The following GLP1R variants were observed in gnomAD, a reference collection of about 807,000 sequenced individuals.
The protein encoded by GLP1R is glucagon-like peptide 1 receptor.
In GLP1R, 32 loss-of-function variants were observed where a neutral mutation model predicts 68.4. The observed-to-expected ratio is 0.47, with a 90% CI of 0.35 to 0.63. GLP1R has a LOEUF of 0.63. GLP1R is among the 20% of genes least tolerant of loss of function. The pLI, the probability that GLP1R is intolerant of heterozygous loss-of-function variation, is 0.00. For synonymous variants in GLP1R, 263 were observed against 244.4 expected, an observed-to-expected ratio of 1.08 and a Z score of -0.71; for missense variants, 502 against 594.9, an observed-to-expected ratio of 0.84 and a Z score of 1.62.
At chr6:39,057,919 G>A (rs563410172) in intron 3 of GLP1R, among the ~76,000 whole-genome samples, 5 of 150,904 alleles carry the variant, frequency 3.3e-5, no homozygotes, top group Admixed American at 6.6e-5. Context: ...CCCCTGTATC[G>A]AGGAGGCTGA....
At position 39,056,423 on chromosome 6, in the gene GLP1R, G is replaced by A. The variant is rs142426070; in HGVS notation, c.105G>A (p.Thr35=). ...GTGCCACTGTGTCCCTCTGGGAGACGGTGCAGAAATGGCGAGAATACCGAC... is the reference window on the plus strand; with the variant it reads ...GTGCCACTGTGTCCCTCTGGGAGACAGTGCAGAAATGGCGAGAATACCGAC... The part of the protein sequence containing the change: ...PQGATVSLWE[T]VQKWREYRRQ... The change falls in exon 2 of 13, where the codon ACG becomes ACA. Residue 35 remains threonine (T), a synonymous_variant. Transcript: ENST00000373256. 84 of 1,608,052 alleles carry A rather than the reference G, an allele frequency of 5.2e-5. No individual in the cohort carries two copies. Among genetic ancestry groups the A allele is most frequent in the South Asian group, 9.9e-5 (9 of 90,962 alleles).
intron 5 of GLP1R, among the ~76,000 whole-genome samples, chr6:39,067,514 C>A (rs1768547855): frequency 1.3e-5 from 2 of 152,292 alleles, no homozygotes; most frequent in Non-Finnish European, 2.9e-5. Context: ...ACCCTCAGGT[C>A]TCTTATAAGG....
chr6:39,081,115 T>C (rs1769000999), intron 12 of GLP1R, among the ~76,000 whole-genome samples: 1 of 150,276 alleles, frequency 6.7e-6, no homozygotes, highest in Non-Finnish European at 1.5e-5. Flanking sequence ...CACTATCTCA[T>C]TTAATTATGA....
At chr6:39,056,320 C>T (rs1202793057) in intron 1 of GLP1R, 77 bp from the exon 2 acceptor site, 4 of 713,960 alleles carry the variant, frequency 5.6e-6, no homozygotes, top group African/African-American at 1.8e-5. Context: ...ATTGAGAAAC[C>T]AAGTGTGTTA....
chr6:39,048,892 G>C lies in GLP1R; in HGVS notation c.52G>C (p.Val18Leu). The C allele has an allele frequency of 6.8e-7, 1 of 1,473,180 alleles. No individual in the cohort carries two copies. 91.3% of individuals were successfully genotyped at this position (1,473,180 alleles called of 1,614,324 possible). A position where few individuals can be genotyped will look rare whatever the true frequency, so the allele number is the denominator to read the frequency against. ...CCTTGCGCTGCTGCTGCTCGGGATG[G>C]TGGGCAGGGCCGGCCCCCGCCCCCA... ...LRLALLLLGM[V>L]GRAGPRPQGA... The change falls in exon 1 of 13, where the codon GTG becomes CTG. Residue 18 changes from valine (V) to leucine (L), a missense_variant. By Grantham distance (32) the Val-to-Leu change is conservative. Transcript: ENST00000373256.
At position 39,084,141 on chromosome 6, in the gene GLP1R, C is replaced by A. The variant is rs373660438; in HGVS notation, c.1225-1765C>A. ...TTAGGAGCCGGGCATTGGAATCAGG[C>A]CAGATCTAGGTTCAAATCCTGGCTG... is the stretch of plus-strand genomic sequence containing the variant. On this transcript the variant is annotated intron_variant, in intron 12 of 12. Transcript: ENST00000373256. Among the ~76,000 whole-genome samples, 42 of 152,190 alleles carry A rather than the reference C, an allele frequency of 2.8e-4. 1 individual carries two copies. The East Asian group carries it at 7.9e-3, about 29-fold the overall frequency.
intron 3 of GLP1R, 91 bp from the exon 4 acceptor site, chr6:39,065,620 G>T: frequency 1.4e-6 from 1 of 721,088 alleles, no homozygotes. Flanking sequence ...AGCAGGGATA[G>T]CCCTCAGAAT....
At chr6:39,057,938 C>T (rs985663712) in intron 3 of GLP1R, among the ~76,000 whole-genome samples, 3 of 152,222 alleles carry the variant, frequency 2.0e-5, no homozygotes, top group East Asian at 1.9e-4. Flanking sequence ...GAGGTCAAGG[C>T]GCTGCTTCCT....
intron 12 of GLP1R, among the ~76,000 whole-genome samples, chr6:39,084,556 C>A (rs552002228): frequency 6.6e-6 from 1 of 152,310 alleles, no homozygotes; most frequent in South Asian, 2.1e-4. Flanking sequence ...GGGGCCACCA[C>A]TGGACTCAGG....
intron 3 of GLP1R, among the ~76,000 whole-genome samples, chr6:39,058,230 G>T (rs549916910): frequency 6.6e-6 from 1 of 152,322 alleles, no homozygotes; most frequent in South Asian, 2.1e-4. Context: ...GGTGTCTGCT[G>T]TGTGTATACA....
intron 11 of GLP1R, among the ~76,000 whole-genome samples, chr6:39,080,096 G>T (rs746834486): frequency 6.6e-6 from 1 of 152,108 alleles, no homozygotes; most frequent in Non-Finnish European, 1.5e-5. Flanking sequence ...CCAGAGTTAC[G>T]GTGTCACAGT....
In GLP1R at chr6:39,083,691, T is replaced by C. The variant is rs931910397; in HGVS notation, c.1225-2215T>C. Among the ~76,000 whole-genome samples, 6 of 152,194 alleles carry C rather than the reference T, an allele frequency of 3.9e-5. No individual in the cohort carries two copies. In the South Asian group the frequency reaches 1.2e-3, roughly 32 times the overall value. ...AAATGAAGGTGAATGAGCTTCCCAA[T>C]TCACCCCGAATCCTGAGGCTGGCAT... is the stretch of plus-strand genomic sequence containing the variant. On this transcript the variant is annotated intron_variant, in intron 12 of 12. Coordinates refer to ENST00000373256, the MANE Select transcript of GLP1R (RefSeq NM_002062.5).
intron 1 of GLP1R, among the ~76,000 whole-genome samples, chr6:39,051,702 G>C (rs1768091742): frequency 6.6e-6 from 1 of 152,092 alleles, no homozygotes; most frequent in Admixed American, 6.5e-5. Flanking sequence ...GACAGACCAG[G>C]GGGAGAAGGG....
intron 7 of GLP1R, 115 bp downstream of exon 7, chr6:39,073,884 T>TA: frequency 2.2e-6 from 2 of 902,250 alleles, no homozygotes; most frequent in South Asian, 3.1e-5. Flanking sequence ...GCCCACTGGG[T>TA]AACCCTCTTC....
chr6:39,056,073 C>T (rs563142527), intron 1 of GLP1R, among the ~76,000 whole-genome samples: 3 of 152,300 alleles, frequency 2.0e-5, no homozygotes, highest in South Asian at 4.1e-4. Flanking sequence ...TAAGTGAGAT[C>T]AGAGATCACA....
chr6:39,078,235 G>T, intron 7 of GLP1R, 87 bp from the exon 8 acceptor site: 1 of 938,302 alleles, frequency 1.1e-6, no homozygotes. Context: ...AAGTGTGAGG[G>T]GCTTGGGGCA....
At chr6:39,058,671 C>CATCATCATCAT (rs1554169079) in intron 3 of GLP1R, among the ~76,000 whole-genome samples, 8 of 50,824 alleles carry the variant, frequency 1.6e-4, no homozygotes, top group Non-Finnish European at 4.5e-4. Flanking sequence ...ATCATCATCA[C>CATCATCATCAT]CATCACCATC....
Position 39,066,140 on chromosome 6 carries a change from T to C in GLP1R, c.403-57T>C, listed in dbSNP as rs892494027. On this transcript the variant is annotated intron_variant, in intron 4 of 12. Coordinates refer to ENST00000373256, the MANE Select transcript of GLP1R (RefSeq NM_002062.5). The stretch of plus-strand genomic sequence containing the variant: ...TGTCTCTGTGCCATGGGAAGGAAGA[T>C]TGTGGGAAGAGGGCCATGGGCTGCC... 21 of 968,310 alleles carry C rather than the reference T, an allele frequency of 2.2e-5. No homozygotes were observed. In the African/African-American group the frequency reaches 3.0e-4, roughly 14 times the overall value. 60.0% of individuals were successfully genotyped at this position (968,310 alleles called of 1,614,324 possible).
chr6:39,072,132 T>C (rs1768686339), intron 5 of GLP1R, among the ~76,000 whole-genome samples: 1 of 152,266 alleles, frequency 6.6e-6, no homozygotes, highest in African/African-American at 2.4e-5. Context: ...AATTTGTCCA[T>C]AGATTTCTTG....
Sources: gnomAD v4.1 joint callset for allele counts (sites outside exome capture counted in the v4.1 genomes callset) on GRCh38, gnomAD v4.1.1 for gene constraint, MANE v1.5 for transcripts, NCBI Gene and HGNC (gene_info 2026-07-23, HGNC 2026-07-21) for gene names.